Variants in PLCL2 observed in about 807,000 individuals in gnomAD.
PLCL2 encodes phospholipase C like 2.
In PLCL2, 4 loss-of-function variants were observed where a neutral mutation model predicts 79.6. That is an observed-to-expected ratio of 0.05 (90% CI 0.02 to 0.11). PLCL2 has a LOEUF of 0.11. Ranked by LOEUF, PLCL2 falls within the 10% of genes least tolerant of loss-of-function variation. The probability of loss-of-function intolerance (pLI) is 1.00; values close to 1 mark genes in which losing one functional copy is unlikely to be tolerated. For missense variants in PLCL2, 895 were observed against 1,291.0 expected (o/e 0.69, Z 4.70); for synonymous variants, 484 against 457.7 (o/e 1.06, Z -0.73).
At chr3:16,963,685 C>T (rs938333797) in intron 1 of PLCL2, among the ~76,000 whole-genome samples, 2 of 152,126 alleles carry the variant, frequency 1.3e-5, no homozygotes, top group Non-Finnish European at 2.9e-5. Flanking sequence ...GATTATAATG[C>T]TTACACTTAG....
At chr3:16,930,835 C>T (rs1697375625) in intron 1 of PLCL2, among the ~76,000 whole-genome samples, 1 of 152,156 alleles carries the variant, frequency 6.6e-6, no homozygotes, top group Non-Finnish European at 1.5e-5. Flanking sequence ...TTCCTATGTC[C>T]ATTAATGACA....
intron 1 of PLCL2, among the ~76,000 whole-genome samples, chr3:16,909,771 A>G (rs182080449): frequency 7.9e-5 from 12 of 152,314 alleles, no homozygotes; most frequent in African/African-American, 2.9e-4. Flanking sequence ...GTTTAAAACA[A>G]CCTCCATTAG....
At chr3:16,894,270 A>G (rs1264695288) in intron 1 of PLCL2, among the ~76,000 whole-genome samples, 1 of 152,196 alleles carries the variant, frequency 6.6e-6, no homozygotes. Flanking sequence ...ATGCCAATAT[A>G]ATTATTCAGA....
chr3:17,006,057 A>G (rs1432340942), intron 1 of PLCL2, among the ~76,000 whole-genome samples: 1 of 152,220 alleles, frequency 6.6e-6, no homozygotes, highest in Non-Finnish European at 1.5e-5. Flanking sequence ...GCATGTGAGT[A>G]TTATGCATTT....
intron 2 of PLCL2, 26 bp downstream of exon 2, chr3:17,012,186 C>G: frequency 1.3e-6 from 2 of 1,577,000 alleles, no homozygotes; most frequent in Middle Eastern, 1.7e-4. Context: ...TAATCATTTA[C>G]TCAATGGTTT....
In PLCL2 at chr3:17,010,066, C is replaced by T; in HGVS notation, c.720C>T (p.Asn240=). ...DLVANSADVA[N]IWVTGLRYLI... is the part of the protein sequence containing the mutation. The stretch of plus-strand genomic sequence containing the variant: ...TTGCCAACTCCGCAGATGTTGCAAA[C>T]ATCTGGGTTACAGGACTGCGGTACC... Residue 240 remains asparagine (N), a synonymous_variant, in exon 2 of 6, where the codon AAC becomes AAT. Coordinates refer to ENST00000615277, the MANE Select transcript of PLCL2 (RefSeq NM_001144382.2). This position sits in a 1 kb window ranked among gnomAD's most constrained non-coding sequence, Gnocchi z 5.8. The T allele has an allele frequency of 6.2e-7, 1 of 1,613,314 alleles. No individual in the cohort carries two copies. The highest frequency in any genetic ancestry group is 1.3e-5 in the African/African-American group (1 of 75,038).
chr3:17,017,239 G>A (rs1362852153), intron 3 of PLCL2, among the ~76,000 whole-genome samples: 1 of 152,104 alleles, frequency 6.6e-6, no homozygotes, highest in Admixed American at 6.5e-5. Flanking sequence ...GACAGAATAT[G>A]CTAGCTTGCT....
chr3:16,929,336 T>A (rs1697341270), intron 1 of PLCL2, among the ~76,000 whole-genome samples: 2 of 152,212 alleles, frequency 1.3e-5, no homozygotes, highest in Admixed American at 1.3e-4. Context: ...TGACCTTCTC[T>A]CCATAATGAC....
At chr3:16,950,976 G>A (rs1409926365) in intron 1 of PLCL2, among the ~76,000 whole-genome samples, 1 of 151,848 alleles carries the variant, frequency 6.6e-6, no homozygotes, top group Non-Finnish European at 1.5e-5. Flanking sequence ...TTTTGTCATT[G>A]TCTGGTTTGT....
chr3:17,086,971 A>G (rs577009686), intron 5 of PLCL2, among the ~76,000 whole-genome samples: 127 of 152,366 alleles, frequency 8.3e-4, no homozygotes, highest in African/African-American at 2.9e-3. Context: ...CATCTATTAC[A>G]GTAGCCAAAA....
At chr3:17,015,236 C>T (rs953885872) in intron 3 of PLCL2, among the ~76,000 whole-genome samples, 1 of 152,150 alleles carries the variant, frequency 6.6e-6, no homozygotes, top group African/African-American at 2.4e-5. Context: ...CTCCTGCAGC[C>T]AGTCATTGAT....
intron 1 of PLCL2, among the ~76,000 whole-genome samples, chr3:16,909,737 T>C (rs1310791553): frequency 1.3e-5 from 2 of 152,226 alleles, no homozygotes; most frequent in Admixed American, 1.3e-4. Context: ...CAGAGAGATA[T>C]CAAAAATAAT....
At chr3:16,971,401 T>C (rs2063866915) in intron 1 of PLCL2, among the ~76,000 whole-genome samples, 1 of 152,316 alleles carries the variant, frequency 6.6e-6, no homozygotes, top group Middle Eastern at 3.4e-3. Flanking sequence ...CTGAGGGCTC[T>C]GTTCTGTTCC....
At chr3:17,072,024 A>G (rs760527300) in intron 5 of PLCL2, among the ~76,000 whole-genome samples, 2 of 152,064 alleles carry the variant, frequency 1.3e-5, no homozygotes, top group Non-Finnish European at 2.9e-5. Flanking sequence ...ACAGGGTTTC[A>G]CTATCTTGGC....
chr3:16,981,002 G>A (rs947336112), intron 1 of PLCL2, among the ~76,000 whole-genome samples: 35 of 152,236 alleles, frequency 2.3e-4, no homozygotes, highest in African/African-American at 8.4e-4. Context: ...CAAGCGTGGT[G>A]GCGCGCGCCT....
chr3:17,015,307 A>T (rs909655486), intron 3 of PLCL2, among the ~76,000 whole-genome samples: 1 of 152,162 alleles, frequency 6.6e-6, no homozygotes, highest in Admixed American at 6.5e-5. Context: ...TTAACTTAAA[A>T]ATGTAATGCC....
rs1174564497 is a variant in PLCL2 at position 17,052,257 on chromosome 3, G to GC, written c.3094+9308_3094+9309insC. Among the ~76,000 whole-genome samples, 59 of 145,470 alleles carry GC rather than the reference G, an allele frequency of 4.1e-4. 1 individual carries two copies. The highest frequency in any genetic ancestry group is 1.3e-3 in the Admixed American group (19 of 14,422). Reference sequence around the variant, plus strand: ...ATGGCAAAAAAAAAAAAAAAAATTGGGGGGGGGTGAAGGTCTCAGGTTATG... The same window carrying GC: ...ATGGCAAAAAAAAAAAAAAAAATTGGCGGGGGGGTGAAGGTCTCAGGTTATG... On this transcript the variant is annotated intron_variant, in intron 4 of 5. Coordinates refer to ENST00000615277, the MANE Select transcript of PLCL2 (RefSeq NM_001144382.2).
At chr3:16,966,405 C>T (rs1354223243) in intron 1 of PLCL2, among the ~76,000 whole-genome samples, 7 of 152,064 alleles carry the variant, frequency 4.6e-5, no homozygotes, top group Admixed American at 4.6e-4. Context: ...TAATGTGTTG[C>T]TGGATTCGGT....
At chr3:16,996,378 C>G (rs1348285712) in intron 1 of PLCL2, among the ~76,000 whole-genome samples, 3 of 152,096 alleles carry the variant, frequency 2.0e-5, no homozygotes, top group East Asian at 1.9e-4. Flanking sequence ...GTAGACCACC[C>G]TCTTCCCTTC....
Sources: allele counts gnomAD v4.1 joint callset (sites outside exome capture counted in the v4.1 genomes callset), GRCh38; gene constraint gnomAD v4.1.1; non-coding constraint Gnocchi (gnomAD v3.1); transcripts MANE v1.5; gene names NCBI Gene and HGNC (gene_info 2026-07-23, HGNC 2026-07-21).